Variants in MARCHF6 observed in about 807,000 individuals in gnomAD.
MARCHF6 encodes E3 ubiquitin-protein ligase MARCHF6.
A neutral mutation model predicts 133.7 loss-of-function variants in MARCHF6; 31 were observed. That is an observed-to-expected ratio of 0.23 (90% CI 0.17 to 0.31). MARCHF6 has a LOEUF of 0.31. MARCHF6 is among the 10% of genes least tolerant of loss of function. MARCHF6 has a pLI of 1.00. For synonymous variants in MARCHF6, 395 were observed against 402.5 expected, an observed-to-expected ratio of 0.98 and a Z score of 0.22; for missense variants, 723 against 1,121.6, an observed-to-expected ratio of 0.64 and a Z score of 5.08.
intron 22 of MARCHF6, chr5:10,422,176 C>A: frequency 6.6e-6 from 1 of 152,264 alleles, no homozygotes. Flanking sequence ...CACCACTGGG[C>A]TTGGCTTGGA....
In MARCHF6 at chr5:10,353,937, C is replaced by T; in HGVS notation, c.19+20C>T. ...AGGAAGGTAAGTCGGCGACGCGCGG[C>T]GCCCGAGCCCTTGCGTCGGCGCCCG... On this transcript the variant is annotated intron_variant, in intron 1 of 25. Coordinates refer to ENST00000274140, the MANE Select transcript of MARCHF6 (RefSeq NM_005885.4). 11 of 1,545,002 alleles carry T rather than the reference C, an allele frequency of 7.1e-6. No homozygotes were observed. The highest frequency in any genetic ancestry group is 9.6e-6 in the Non-Finnish European group (11 of 1,150,570).
intron 22 of MARCHF6, among the ~76,000 whole-genome samples, chr5:10,420,690 A>T (rs965950965): frequency 6.6e-6 from 1 of 152,238 alleles, no homozygotes; most frequent in African/African-American, 2.4e-5. Context: ...ATAGAGGAAG[A>T]CAAAAGCAAG....
chr5:10,383,010 T>A (rs1317103217), intron 4 of MARCHF6, among the ~76,000 whole-genome samples: 2 of 152,078 alleles, frequency 1.3e-5, no homozygotes, highest in African/African-American at 4.8e-5. Context: ...AAGTACATAG[T>A]ATATGGGAGG....
chr5:10,402,308 A>G, intron 12 of MARCHF6, 76 bp from the exon 13 acceptor site: 1 of 1,341,858 alleles, frequency 7.5e-7, no homozygotes, highest in Non-Finnish European at 1.1e-6. Flanking sequence ...GTCAAAAAAT[A>G]CTAAATGTTG....
At chr5:10,424,564 T>C (rs1234354251) in intron 23 of MARCHF6, among the ~76,000 whole-genome samples, 1 of 152,236 alleles carries the variant, frequency 6.6e-6, no homozygotes, top group Admixed American at 6.5e-5. Flanking sequence ...CCCATGAATT[T>C]TCATCAACCA....
intron 1 of MARCHF6, among the ~76,000 whole-genome samples, chr5:10,368,141 CTG>C (rs1318814200): frequency 6.6e-6 from 1 of 152,150 alleles, no homozygotes; most frequent in African/African-American, 2.4e-5. Context: ...CCTTGTTACT[CTG>C]TTGAGGTTTT....
In MARCHF6 at chr5:10,437,380, G is replaced by A. The variant is rs1032504425; in HGVS notation, c.*3696G>A. On this transcript the variant is annotated 3_prime_UTR_variant, in exon 26 of 26. Coordinates refer to ENST00000274140, the MANE Select transcript of MARCHF6 (RefSeq NM_005885.4). ...TTAAAAGCCTCATTTGTGGAGATTC[G>A]CTGACTTCCTTGGTTAAGCTGTCTT... 1 of 151,614 alleles carries A rather than the reference G, an allele frequency of 6.6e-6. No homozygotes were observed. Among genetic ancestry groups the A allele is most frequent in the South Asian group, 2.1e-4 (1 of 4,822 alleles). 9.4% of individuals were successfully genotyped at this position (151,614 alleles called of 1,614,324 possible). A position where few individuals can be genotyped will look rare whatever the true frequency, so the allele number is the denominator to read the frequency against.
chr5:10,422,130 C>T (rs1282753597), intron 22 of MARCHF6: 1 of 152,186 alleles, frequency 6.6e-6, no homozygotes, highest in Non-Finnish European at 1.5e-5. Flanking sequence ...ACATAGATTT[C>T]AGACAAATCT....
intron 1 of MARCHF6, among the ~76,000 whole-genome samples, chr5:10,357,341 T>C (rs925053458): frequency 1.4e-5 from 2 of 139,684 alleles, no homozygotes; most frequent in African/African-American, 5.4e-5. Flanking sequence ...GGCTCAGTGA[T>C]ATAAAGCTGA....
Position 10,403,466 on chromosome 5 carries a change from T to C in MARCHF6, c.1257T>C (p.Thr419=). The change falls in exon 15 of 26, where the codon ACT becomes ACC. Residue 419 remains threonine (T), a synonymous_variant. Coordinates refer to ENST00000274140, the MANE Select transcript of MARCHF6 (RefSeq NM_005885.4). ...TGAGCTTTCAGTCGGCTCCAGGTAC[T>C]ACCATGTTTCTGCATTGGCTAGTGG... The part of the protein sequence containing the change: ...RELSFQSAPG[T]TMFLHWLVGM... 1 of 1,613,996 alleles carries C rather than the reference T, an allele frequency of 6.2e-7. No individual in the cohort carries two copies. Among genetic ancestry groups the C allele is most frequent in the Non-Finnish European group, 8.5e-7 (1 of 1,179,900 alleles).
intron 1 of MARCHF6, among the ~76,000 whole-genome samples, chr5:10,360,619 G>C (rs1251534897): frequency 6.6e-6 from 1 of 152,306 alleles, no homozygotes; most frequent in East Asian, 1.9e-4. Flanking sequence ...CAGGGTTACT[G>C]AGTCTATCTC....
chr5:10,360,312 G>A lies in MARCHF6; in HGVS notation c.19+6395G>A, dbSNP rs548473469. Among the ~76,000 whole-genome samples, 37 of 151,744 alleles carry A rather than the reference G, an allele frequency of 2.4e-4. No homozygotes were observed. In the South Asian group the frequency reaches 6.9e-3, roughly 28 times the overall value. On this transcript the variant is annotated intron_variant, in intron 1 of 25. Transcript: ENST00000274140. ...TTACAGGCATGCACCACCATGCCTGGCTAATTTTGTATTTTTCGTAGAGAT... is the reference window on the plus strand; with the variant it reads ...TTACAGGCATGCACCACCATGCCTGACTAATTTTGTATTTTTCGTAGAGAT...
At chr5:10,379,908 AC>A (rs749386728) in intron 3 of MARCHF6, among the ~76,000 whole-genome samples, 54 of 152,246 alleles carry the variant, frequency 3.5e-4, no homozygotes, top group Admixed American at 5.9e-4. Flanking sequence ...GCTTGGCCAA[AC>A]AAAGTTTTAA....
intron 1 of MARCHF6, among the ~76,000 whole-genome samples, chr5:10,365,540 T>C (rs1736093002): frequency 6.6e-6 from 1 of 152,060 alleles, no homozygotes; most frequent in Non-Finnish European, 1.5e-5. Context: ...CCTCAGGTGA[T>C]CCGCCCACCT....
intron 1 of MARCHF6, among the ~76,000 whole-genome samples, chr5:10,354,154 CCGGGGT>C (rs1163443916): frequency 3.3e-5 from 5 of 151,924 alleles, no homozygotes; most frequent in Non-Finnish European, 7.4e-5. Context: ...GGGGCCGGGG[CCGGGGT>C]CGGGGCCTCG....
rs1225416064 is a variant in MARCHF6 at position 10,400,855 on chromosome 5, C to T, written c.972+13C>T. ...ATTTGAAGAACACGTGAGTATAATA[C>T]TTTTACAAAGTTACTTTCATTCATT... On this transcript the variant is annotated intron_variant, in intron 11 of 25. Coordinates refer to ENST00000274140, the MANE Select transcript of MARCHF6 (RefSeq NM_005885.4). The T allele has an allele frequency of 2.5e-6, 4 of 1,589,368 alleles. No individual in the cohort carries two copies. Among genetic ancestry groups the T allele is most frequent in the South Asian group, 1.1e-5 (1 of 90,508 alleles).
chr5:10,407,612 A>G (rs780642025), intron 17 of MARCHF6, among the ~76,000 whole-genome samples: 8 of 152,226 alleles, frequency 5.3e-5, no homozygotes, highest in South Asian at 2.1e-4. Context: ...ATTATTAAAA[A>G]TAGGGTACAA....
chr5:10,354,387 C>T (rs76259108), intron 1 of MARCHF6, among the ~76,000 whole-genome samples: 2,464 of 152,288 alleles, frequency 0.016, 64 homozygotes, highest in African/African-American at 0.055. Flanking sequence ...AAATACCCCG[C>T]CAGATGACGG....
At chr5:10,426,261 T>G (rs1452482329) in intron 23 of MARCHF6, 129 bp from the exon 24 acceptor site, 3 of 1,064,770 alleles carry the variant, frequency 2.8e-6, no homozygotes, top group Admixed American at 4.4e-5. Context: ...AGAATTTGCC[T>G]TGACTTTAGA....
Sources: gnomAD v4.1 joint callset for allele counts (sites outside exome capture counted in the v4.1 genomes callset) on GRCh38, gnomAD v4.1.1 for gene constraint, MANE v1.5 for transcripts, NCBI Gene and HGNC (gene_info 2026-07-23, HGNC 2026-07-21) for gene names.